Variants in GLRA1 observed in about 807,000 individuals in gnomAD.
The protein encoded by GLRA1 is glycine receptor alpha 1, also known as glycine receptor subunit alpha-1.
In GLRA1, 37 loss-of-function variants were observed where a neutral mutation model predicts 48.3. The observed-to-expected ratio is 0.77, with a 90% confidence interval of 0.59 to 1.01. The LOEUF (loss-of-function observed/expected upper bound fraction) is 1.01, where lower values mean the gene tolerates loss of function less well. Ranked by LOEUF, GLRA1 falls within the 50% of genes least tolerant of loss-of-function variation. GLRA1 has a pLI of 0.00. For synonymous variants in GLRA1, 196 were observed against 210.7 expected, an observed-to-expected ratio of 0.93 and a Z score of 0.60; for missense variants, 427 against 571.0, an observed-to-expected ratio of 0.75 and a Z score of 2.57.
At chr5:151,825,482 ATT>A (rs1763250524) in intron 8 of GLRA1, among the ~76,000 whole-genome samples, 1 of 152,026 alleles carries the variant, frequency 6.6e-6, no homozygotes, top group East Asian at 1.9e-4. Flanking sequence ...TCAATTTCAT[ATT>A]GTGTCTGGGA....
chr5:151,849,163 T>TTTTCTTTTCTTTCTTTCTTTCTTTCTTTC (rs1561554533), intron 7 of GLRA1: 1 of 110,956 alleles, frequency 9.0e-6, no homozygotes, highest in African/African-American at 6.5e-5. Flanking sequence ...TTTTCTTTTC[T>TTTTCTTTTCTTTCTTTCTTTCTTTCTTTC]TTTCTTTCTT....
intron 7 of GLRA1, among the ~76,000 whole-genome samples, chr5:151,836,020 A>G (rs1449841285): frequency 6.6e-6 from 1 of 152,176 alleles, no homozygotes; most frequent in Admixed American, 6.5e-5. Context: ...AAGTCAAATT[A>G]TATCTGTTTG....
At chr5:151,910,783 G>C (rs1004148946) in intron 1 of GLRA1, among the ~76,000 whole-genome samples, 14 of 152,222 alleles carry the variant, frequency 9.2e-5, no homozygotes, top group Admixed American at 9.2e-4. Flanking sequence ...GGAGTTGATA[G>C]TAGACTGTTA....
intron 1 of GLRA1, among the ~76,000 whole-genome samples, chr5:151,900,422 T>C (rs191879324): frequency 2.0e-5 from 3 of 152,138 alleles, no homozygotes; most frequent in Admixed American, 2.0e-4. Context: ...TTTAAAAAGC[T>C]TTTTTGTTTT....
chr5:151,898,195 G>A (rs921699316), intron 1 of GLRA1, among the ~76,000 whole-genome samples: 1 of 151,836 alleles, frequency 6.6e-6, no homozygotes, highest in Non-Finnish European at 1.5e-5. Context: ...ATCATTTTAT[G>A]AGTCTATAAT....
At chr5:151,830,570 G>A (rs1763397995) in intron 7 of GLRA1, among the ~76,000 whole-genome samples, 1 of 152,174 alleles carries the variant, frequency 6.6e-6, no homozygotes, top group Admixed American at 6.5e-5. Context: ...AGTGGAGCCT[G>A]AGTCAAAGTT....
intron 7 of GLRA1, among the ~76,000 whole-genome samples, chr5:151,832,449 A>G (rs1265756166): frequency 1.3e-5 from 2 of 151,918 alleles, no homozygotes; most frequent in Non-Finnish European, 2.9e-5. Flanking sequence ...TTAGAGAAGA[A>G]TATAAATGAC....
chr5:151,839,762 A>G (rs553110079), intron 7 of GLRA1, among the ~76,000 whole-genome samples: 1 of 152,316 alleles, frequency 6.6e-6, no homozygotes, highest in South Asian at 2.1e-4. Flanking sequence ...CTCTTTCTCT[A>G]CCATGTTAGG....
At position 151,859,787 on chromosome 5, in the gene GLRA1, G is replaced by A. The variant is rs759191307; in HGVS notation, c.474C>T (p.Ile158=). The A allele has an allele frequency of 1.2e-6, 2 of 1,605,720 alleles. No homozygotes were observed. The highest frequency in any genetic ancestry group is 2.2e-5 in the South Asian group (2 of 90,904). Residue 158 remains isoleucine (I), a splice_region_variant and synonymous_variant, in exon 4 of 9, where the codon ATC becomes ATT. Transcript: ENST00000274576. ...ISRNGNVLYS[I]RITLTLACPM... ...GGGTGAACCTGGTCAGAACTCACCT[G>A]ATGCTGTAGAGGACATTCCCATTCC...
At chr5:151,878,871 A>G (rs996877282) in intron 3 of GLRA1, among the ~76,000 whole-genome samples, 1 of 152,178 alleles carries the variant, frequency 6.6e-6, no homozygotes, top group Non-Finnish European at 1.5e-5. Context: ...CCTCATGGAG[A>G]ACCTCTGCTA....
chr5:151,903,685 A>T (rs772579361), intron 1 of GLRA1, among the ~76,000 whole-genome samples: 5 of 152,248 alleles, frequency 3.3e-5, no homozygotes, highest in Non-Finnish European at 5.9e-5. Context: ...TCTCCATTTT[A>T]TAGATAAGAA....
Position 151,828,807 on chromosome 5 carries a change from C to T in GLRA1, c.1059+114G>A, listed in dbSNP as rs73794376. 6,063 of 1,099,778 alleles carry T rather than the reference C, an allele frequency of 5.5e-3. 251 individuals carry two copies. The African/African-American group carries it at 0.082, about 15-fold the overall frequency. 68.1% of individuals were successfully genotyped at this position (1,099,778 alleles called of 1,614,324 possible). A position where few individuals can be genotyped will look rare whatever the true frequency, so the allele number is the denominator to read the frequency against. On this transcript the variant is annotated intron_variant, in intron 8 of 8. Coordinates refer to ENST00000274576, the MANE Select transcript of GLRA1 (RefSeq NM_000171.4). The stretch of plus-strand genomic sequence containing the variant: ...GTCTTTAATTCCTATTTCTAACCTG[C>T]CTTGCACATTGAGAAGGATGGACCA...
intron 3 of GLRA1, among the ~76,000 whole-genome samples, chr5:151,869,037 A>G (rs1002227445): frequency 6.6e-6 from 1 of 152,170 alleles, no homozygotes; most frequent in Non-Finnish European, 1.5e-5. Context: ...ATGTGAATTT[A>G]ATAATTACAT....
At chr5:151,906,913 G>C (rs920447482) in intron 1 of GLRA1, among the ~76,000 whole-genome samples, 3 of 152,204 alleles carry the variant, frequency 2.0e-5, no homozygotes, top group East Asian at 3.8e-4. Context: ...GAGCAAGATG[G>C]CTGCCTGATA....
chr5:151,827,329 C>T (rs1245258572), intron 8 of GLRA1, among the ~76,000 whole-genome samples: 2 of 152,066 alleles, frequency 1.3e-5, no homozygotes, highest in Non-Finnish European at 2.9e-5. Context: ...ATCTTAATTC[C>T]CATGGACATC....
intron 8 of GLRA1, 80 bp downstream of exon 8, chr5:151,828,841 A>C (rs1442412115): frequency 1.4e-6 from 2 of 1,411,510 alleles, no homozygotes; most frequent in African/African-American, 2.8e-5. Flanking sequence ...CATTGAAACA[A>C]ATAACACAAG....
intron 1 of GLRA1, among the ~76,000 whole-genome samples, chr5:151,924,152 A>T (rs913303428): frequency 5.9e-5 from 9 of 152,164 alleles, no homozygotes; most frequent in African/African-American, 2.2e-4. Context: ...TTCCCTTTAA[A>T]GTCCTCAGCC....
At chr5:151,857,429 G>C (rs964160588) in intron 4 of GLRA1, among the ~76,000 whole-genome samples, 1 of 152,204 alleles carries the variant, frequency 6.6e-6, no homozygotes, top group Non-Finnish European at 1.5e-5. Flanking sequence ...GGCTGCCCCT[G>C]TTCCTTACTC....
At chr5:151,890,312 A>G (rs948700140) in intron 2 of GLRA1, among the ~76,000 whole-genome samples, 3 of 152,198 alleles carry the variant, frequency 2.0e-5, no homozygotes, top group South Asian at 2.1e-4. Flanking sequence ...CACAAAGAAT[A>G]ACTAACACAT....
Sources: allele counts gnomAD v4.1 joint callset (sites outside exome capture counted in the v4.1 genomes callset), GRCh38; gene constraint gnomAD v4.1.1; transcripts MANE v1.5; gene names NCBI Gene and HGNC (gene_info 2026-07-23, HGNC 2026-07-21).